Variants in WWP2 observed in about 807,000 individuals in gnomAD.
The protein encoded by WWP2 is WW domain containing E3 ubiquitin protein ligase 2.
In WWP2, 57 loss-of-function variants were observed where a neutral mutation model predicts 121.0. The ratio of observed to expected loss-of-function variants is 0.47; its 90% CI spans 0.38 to 0.59. The LOEUF (loss-of-function observed/expected upper bound fraction) is 0.59, where lower values mean the gene tolerates loss of function less well. Ranked by LOEUF, WWP2 falls within the 20% of genes least tolerant of loss-of-function variation. WWP2 has a pLI of 0.00. For missense variants in WWP2, 962 were observed against 1,158.9 expected (o/e 0.83, Z 2.47); for synonymous variants, 449 against 441.3 (o/e 1.02, Z -0.22).
At chr16:69,858,526 A>C (rs1382659709) in intron 6 of WWP2, among the ~76,000 whole-genome samples, 1 of 152,054 alleles carries the variant, frequency 6.6e-6, no homozygotes, top group Non-Finnish European at 1.5e-5. Flanking sequence ...CCTTTATCAC[A>C]GCCGCCTTGT....
intron 4 of WWP2, among the ~76,000 whole-genome samples, chr16:69,810,829 A>G (rs1264832424): frequency 6.7e-6 from 1 of 148,592 alleles, no homozygotes; most frequent in Non-Finnish European, 1.5e-5. Flanking sequence ...ATCTCCGCTC[A>G]CTGCAACCTC....
In WWP2 at chr16:69,935,739, G is replaced by C. The variant is rs889624900; in HGVS notation, c.1843-114G>C. 1.4e-6 allele frequency: 2 copies of C among 1,469,932 alleles called. No homozygotes were observed. The highest frequency in any genetic ancestry group is 2.3e-5 in the East Asian group (1 of 43,838). The allele number at this position is 1,469,932 out of a possible 1,614,324, so 91.1% of individuals were successfully genotyped here. A position where few individuals can be genotyped will look rare whatever the true frequency, so the allele number is the denominator to read the frequency against. On this transcript the variant is annotated intron_variant, in intron 17 of 23. Coordinates refer to ENST00000359154, the MANE Select transcript of WWP2 (RefSeq NM_001270454.2). The surrounding 1 kb of genome is among the most constrained non-coding windows in gnomAD (Gnocchi z 5.2). ...CCGAGGCAGCTGCTGCTGTAGTTCTGTCAGGGAAGGAAGGCGGGTAGCGGT... is the reference window on the plus strand; with the variant it reads ...CCGAGGCAGCTGCTGCTGTAGTTCTCTCAGGGAAGGAAGGCGGGTAGCGGT...
At chr16:69,869,123 G>C (rs138051944) in intron 6 of WWP2, among the ~76,000 whole-genome samples, 6 of 152,038 alleles carry the variant, frequency 3.9e-5, no homozygotes, top group African/African-American at 1.4e-4. Flanking sequence ...CCTGACCTCA[G>C]GTGATCCACC....
intron 7 of WWP2, among the ~76,000 whole-genome samples, chr16:69,872,881 C>A (rs2057666958): frequency 6.6e-6 from 1 of 152,244 alleles, no homozygotes; most frequent in African/African-American, 2.4e-5. Flanking sequence ...CTCTCCCTCT[C>A]TCTCATCAGG....
rs386384998 is a variant in WWP2 at position 69,795,649 on chromosome 16, GTTTTT to G, written c.71-3011_71-3007del. Among the ~76,000 whole-genome samples the G allele has an allele frequency of 1.0e-4, 7 of 66,952 alleles. No individual in the cohort carries two copies. The South Asian group carries it at 2.1e-3, about 20-fold the overall frequency. 43.9% of individuals were successfully genotyped at this position (66,952 alleles called of 152,430 possible). ...TAGATTGGAAACTTAAAAATAGGAG[GTTTTT>G]TTTTTTTTTTTTTTTTTTTTTGTGA... On this transcript the variant is annotated intron_variant, in intron 2 of 23. Coordinates refer to ENST00000359154, the MANE Select transcript of WWP2 (RefSeq NM_001270454.2).
At chr16:69,886,409 T>C (rs1045672440) in intron 7 of WWP2, among the ~76,000 whole-genome samples, 2 of 151,160 alleles carry the variant, frequency 1.3e-5, no homozygotes, top group South Asian at 4.2e-4. Context: ...GAGATAGAGA[T>C]GGGGAGACTC....
intron 4 of WWP2, among the ~76,000 whole-genome samples, chr16:69,829,271 C>T (rs573248292): frequency 2.0e-5 from 3 of 152,278 alleles, no homozygotes; most frequent in Non-Finnish European, 4.4e-5. Context: ...TCCTTTCCTC[C>T]GGCTTGTTTT....
chr16:69,886,113 C>T (rs2057919626), intron 7 of WWP2, among the ~76,000 whole-genome samples: 1 of 152,184 alleles, frequency 6.6e-6, no homozygotes, highest in African/African-American at 2.4e-5. Context: ...TGATGGGTCT[C>T]ACCCTGTCAC....
chr16:69,852,645 G>A lies in WWP2; in HGVS notation c.575+10525G>A, dbSNP rs1419975203. Among the ~76,000 whole-genome samples the A allele has an allele frequency of 2.7e-5, 4 of 149,972 alleles. No individual in the cohort carries two copies. In the Admixed American group the frequency reaches 2.7e-4, roughly 10 times the overall value. On this transcript the variant is annotated intron_variant, in intron 6 of 23. Transcript: ENST00000359154. ...CTTCTTTGGCAGGGTGTCTGTTCAGGTCCTTTGCCCATTTTAAAAATCTGG... is the reference window on the plus strand; with the variant it reads ...CTTCTTTGGCAGGGTGTCTGTTCAGATCCTTTGCCCATTTTAAAAATCTGG...
intron 6 of WWP2, among the ~76,000 whole-genome samples, chr16:69,867,857 G>A (rs758219262): frequency 2.0e-5 from 3 of 152,204 alleles, no homozygotes; most frequent in Admixed American, 6.5e-5. Context: ...TGGTGAGGGG[G>A]CTTGGGCCAA....
At chr16:69,886,498 G>C (rs1006459200) in intron 7 of WWP2, among the ~76,000 whole-genome samples, 8 of 151,314 alleles carry the variant, frequency 5.3e-5, no homozygotes, top group African/African-American at 1.7e-4. Flanking sequence ...CCTGGCTCAT[G>C]CCTGTAATCC....
At chr16:69,855,120 T>TAG (rs1237203609) in intron 6 of WWP2, among the ~76,000 whole-genome samples, 2 of 152,266 alleles carry the variant, frequency 1.3e-5, no homozygotes, top group Non-Finnish European at 2.9e-5. Flanking sequence ...GTGCTGGGAT[T>TAG]ACAGGCATGA....
chr16:69,867,875 G>A (rs1024207250), intron 6 of WWP2, among the ~76,000 whole-genome samples: 3 of 152,210 alleles, frequency 2.0e-5, no homozygotes, highest in African/African-American at 7.2e-5. Context: ...CAAGGTTGAA[G>A]TCATGGGCAG....
chr16:69,892,724 A>G lies in WWP2; in HGVS notation c.914+4475A>G, dbSNP rs183793484. On this transcript the variant is annotated intron_variant, in intron 8 of 23. Coordinates refer to ENST00000359154, the MANE Select transcript of WWP2 (RefSeq NM_001270454.2). ...AATTTTGTTTATTTTCACAGAGACA[A>G]GGTCTCCCTATGTTTCCAAGGCTGG... Among the ~76,000 whole-genome samples, 578 of 152,220 alleles carry G rather than the reference A, an allele frequency of 3.8e-3. 2 individuals carry two copies. The highest frequency in any genetic ancestry group is 6.9e-3 in the Admixed American group (106 of 15,290).
chr16:69,862,038 G>A (rs1350010093), intron 6 of WWP2, among the ~76,000 whole-genome samples: 1 of 152,092 alleles, frequency 6.6e-6, no homozygotes, highest in African/African-American at 2.4e-5. Flanking sequence ...TGTTTTATAG[G>A]AGGAAAATCA....
chr16:69,834,216 C>T (rs2056837171), intron 4 of WWP2, among the ~76,000 whole-genome samples: 1 of 152,220 alleles, frequency 6.6e-6, no homozygotes, highest in Admixed American at 6.5e-5. Context: ...CCCTCATCTG[C>T]TCCTCTCTTC....
chr16:69,816,766 CAT>C (rs2056500279), intron 4 of WWP2, among the ~76,000 whole-genome samples: 1 of 152,042 alleles, frequency 6.6e-6, no homozygotes, highest in African/African-American at 2.4e-5. Context: ...TACATATACA[CAT>C]ACACACATAC....
intron 10 of WWP2, among the ~76,000 whole-genome samples, chr16:69,920,672 C>A (rs2058547510): frequency 6.6e-6 from 1 of 151,596 alleles, no homozygotes; most frequent in Non-Finnish European, 1.5e-5. Context: ...GTAATTCCAG[C>A]AACTTGGAAG....
chr16:69,907,094 T>C (rs2058306353), intron 8 of WWP2, among the ~76,000 whole-genome samples: 1 of 152,224 alleles, frequency 6.6e-6, no homozygotes, highest in Admixed American at 6.5e-5. Flanking sequence ...AGTTTGCTTG[T>C]GGAAGCAGGT....
Sources: allele counts gnomAD v4.1 joint callset (sites outside exome capture counted in the v4.1 genomes callset), GRCh38; gene constraint gnomAD v4.1.1; non-coding constraint Gnocchi (gnomAD v3.1); transcripts MANE v1.5; gene names NCBI Gene and HGNC (gene_info 2026-07-23, HGNC 2026-07-21).